SORL1: variants seen among roughly 807,000 people sequenced by gnomAD.
The protein encoded by SORL1 is sortilin related receptor 1.
A neutral mutation model predicts 273.7 loss-of-function variants in SORL1; 127 were observed. That is an observed-to-expected ratio of 0.46 (90% CI 0.40 to 0.54). The LOEUF is 0.54. Ranked by LOEUF, SORL1 falls within the 20% of genes least tolerant of loss-of-function variation. SORL1 has a pLI of 0.00. For missense variants in SORL1, 2,494 were observed against 2,846.1 expected (o/e 0.88, Z 2.81); for synonymous variants, 1,031 against 1,067.4 (o/e 0.97, Z 0.66).
At chr11:121,577,146 T>C (rs1862943208) in intron 24 of SORL1, 135 bp from the exon 25 acceptor site, 2 of 1,247,758 alleles carry the variant, frequency 1.6e-6, no homozygotes, top group Non-Finnish European at 2.3e-6. Flanking sequence ...CTGGTAAAAG[T>C]CTCTTCGTTC....
At chr11:121,517,796 C>T (rs554841228) in intron 8 of SORL1, among the ~76,000 whole-genome samples, 4 of 152,296 alleles carry the variant, frequency 2.6e-5, no homozygotes, top group Admixed American at 6.5e-5. Flanking sequence ...TATCTGAGGA[C>T]TAGAGAGGTT....
At chr11:121,475,751 T>C (rs1261912826) in intron 2 of SORL1, among the ~76,000 whole-genome samples, 3 of 152,232 alleles carry the variant, frequency 2.0e-5, no homozygotes, top group Non-Finnish European at 4.4e-5. Context: ...GTTTTGTCTC[T>C]TACTAGCGGT....
At chr11:121,584,300 T>C (rs1175946448) in intron 26 of SORL1, among the ~76,000 whole-genome samples, 1 of 152,264 alleles carries the variant, frequency 6.6e-6, no homozygotes, top group East Asian at 1.9e-4. Flanking sequence ...CTCCTTGATA[T>C]TAGATTTGTA....
intron 3 of SORL1, among the ~76,000 whole-genome samples, chr11:121,485,412 G>A (rs1861459811): frequency 6.6e-6 from 1 of 152,110 alleles, no homozygotes; most frequent in South Asian, 2.1e-4. Context: ...GCGTCACCTT[G>A]GGCAGTAAAC....
intron 11 of SORL1, among the ~76,000 whole-genome samples, chr11:121,528,642 A>C (rs1179686193): frequency 6.6e-6 from 1 of 152,220 alleles, no homozygotes; most frequent in Non-Finnish European, 1.5e-5. Flanking sequence ...GTTACTTAGC[A>C]AAGTGTTATT....
Position 121,529,607 on chromosome 11 carries a change from G to C in SORL1, c.1597-2857G>C, listed in dbSNP as rs370743404. Among the ~76,000 whole-genome samples the C allele has an allele frequency of 7.9e-5, 12 of 151,698 alleles. No individual in the cohort carries two copies. The East Asian group carries it at 1.7e-3, about 22-fold the overall frequency. ...TTTTTTTTTCTCTTTTTTGAAGTTG[G>C]GTCTTGTGTGTTGTCCAGGCTGGTC... On this transcript the variant is annotated intron_variant, in intron 11 of 47. Transcript: ENST00000260197.
chr11:121,502,121 A>ATTTTTTTT (rs1242828050), intron 6 of SORL1, among the ~76,000 whole-genome samples: 1 of 82,386 alleles, frequency 1.2e-5, no homozygotes, highest in African/African-American at 4.2e-5. Flanking sequence ...TCATGTGACA[A>ATTTTTTTT]TTCTTTTTTT....
At chr11:121,566,011 C>G (rs569384698) in intron 21 of SORL1, among the ~76,000 whole-genome samples, 1 of 152,286 alleles carries the variant, frequency 6.6e-6, no homozygotes, top group African/African-American at 2.4e-5. Context: ...GAGGGGCACT[C>G]TGGCACAAAG....
rs764203937 is a variant in SORL1, at chr11:121,611,116, AAATT to A, written c.5282_5285del (p.Asn1761IlefsTer2). ...ATATCCACATTGACAGCTATGGTGAAAATTATCTAAGCTTCACCCTGACCATGGA... is the reference window on the plus strand; with the variant it reads ...ATATCCACATTGACAGCTATGGTGAAATCTAAGCTTCACCCTGACCATGGA... On this transcript the variant is annotated frameshift_variant, in exon 39 of 48. Coordinates refer to ENST00000260197, the MANE Select transcript of SORL1 (RefSeq NM_003105.6). LOFTEE classifies it high-confidence loss of function. The A allele has an allele frequency of 6.2e-7, 1 of 1,613,810 alleles. No individual in the cohort carries two copies. Among genetic ancestry groups the A allele is most frequent in the Non-Finnish European group, 8.5e-7 (1 of 1,179,690 alleles).
chr11:121,590,885 C>A, intron 30 of SORL1, 116 bp from the exon 31 acceptor site: 2 of 1,107,658 alleles, frequency 1.8e-6, no homozygotes, highest in Non-Finnish European at 2.8e-6. Context: ...CAGTCACTGG[C>A]CTCCCTCAGC....
rs191534086 is a variant in SORL1 at position 121,518,366 on chromosome 11, G to T, written c.1212-2291G>T. ...CAGATTGTTGCAGGGCAGGTCAAGT[G>T]GGGGAAAGGAAAGGATGGGCTGGGA... On this transcript the variant is annotated intron_variant, in intron 8 of 47. Transcript: ENST00000260197. 1.8e-3 allele frequency among the ~76,000 whole-genome samples: 278 copies of T among 152,246 alleles called. 5 individuals are homozygous for T. The highest frequency in any genetic ancestry group is 6.3e-3 in the African/African-American group (263 of 41,526).
At chr11:121,602,665 G>A (rs1007677486) in intron 32 of SORL1, among the ~76,000 whole-genome samples, 3 of 152,202 alleles carry the variant, frequency 2.0e-5, no homozygotes, top group Admixed American at 1.3e-4. Flanking sequence ...ACATGCCTGG[G>A]TCTGAAGTGG....
intron 6 of SORL1, among the ~76,000 whole-genome samples, chr11:121,504,064 T>G (rs755449069): frequency 6.6e-6 from 1 of 152,236 alleles, no homozygotes; most frequent in Non-Finnish European, 1.5e-5. Context: ...TTCTTTAATT[T>G]CTTTCAACTG....
chr11:121,483,387 GT>G (rs1565310511), intron 3 of SORL1, among the ~76,000 whole-genome samples: 2 of 152,216 alleles, frequency 1.3e-5, no homozygotes. Context: ...CTAGAGGGAT[GT>G]TCCTTCATTG....
intron 27 of SORL1, among the ~76,000 whole-genome samples, chr11:121,587,071 A>G (rs1247300474): frequency 6.6e-6 from 1 of 152,190 alleles, no homozygotes; most frequent in Non-Finnish European, 1.5e-5. Flanking sequence ...CATATTGTAT[A>G]TGGCTGCTCT....
chr11:121,582,000 T>A (rs1863021756), intron 25 of SORL1, among the ~76,000 whole-genome samples: 1 of 152,244 alleles, frequency 6.6e-6, no homozygotes, highest in South Asian at 2.1e-4. Context: ...ATACATTTAT[T>A]CCTCTTATCA....
intron 1 of SORL1, among the ~76,000 whole-genome samples, chr11:121,457,752 T>C (rs767519519): frequency 7.2e-5 from 11 of 152,226 alleles, no homozygotes; most frequent in Non-Finnish European, 1.0e-4. Flanking sequence ...TCCCTTGAGA[T>C]GTGGAGTCCA....
intron 16 of SORL1, among the ~76,000 whole-genome samples, chr11:121,552,676 A>G (rs1300772489): frequency 6.6e-6 from 1 of 152,242 alleles, no homozygotes; most frequent in Non-Finnish European, 1.5e-5. Context: ...CCAAAGGAAA[A>G]GAAGGAAAAC....
chr11:121,578,881 T>C (rs1187106618), intron 25 of SORL1, among the ~76,000 whole-genome samples: 1 of 152,198 alleles, frequency 6.6e-6, no homozygotes, highest in Non-Finnish European at 1.5e-5. Flanking sequence ...TATTAAAGCA[T>C]GGTCTGCAGA....
Sources: gnomAD v4.1 joint callset for allele counts (sites outside exome capture counted in the v4.1 genomes callset) on GRCh38, gnomAD v4.1.1 for gene constraint, MANE v1.5 for transcripts, NCBI Gene and HGNC (gene_info 2026-07-23, HGNC 2026-07-21) for gene names.